USP24: variants seen among roughly 807,000 people sequenced by gnomAD.
USP24 encodes the protein ubiquitin carboxyl-terminal hydrolase 24.
Under a neutral mutation model 361.6 loss-of-function variants are expected in USP24, and 97 were observed. That is an observed-to-expected ratio of 0.27 (90% CI 0.23 to 0.32). The LOEUF (loss-of-function observed/expected upper bound fraction) is 0.32, where lower values mean the gene tolerates loss of function less well. USP24 is among the 10% of genes least tolerant of loss of function. USP24 has a pLI of 1.00. For missense variants in USP24, 2,353 were observed against 3,165.6 expected (o/e 0.74, Z 6.16); for synonymous variants, 1,098 against 1,124.6 (o/e 0.98, Z 0.47).
In USP24 at chr1:55,125,736, T is replaced by C; in HGVS notation, c.3658A>G (p.Arg1220Gly). Reference sequence around the variant, plus strand: ...TCTACTTCTGATGGGATGGAGTCTCTCTGCATGACATTTACAACCAAACTT... The same window carrying C: ...TCTACTTCTGATGGGATGGAGTCTCCCTGCATGACATTTACAACCAAACTT... ...GLSLVVNVMQRDSIPSEVDYE... is the reference protein window; with the variant it reads ...GLSLVVNVMQGDSIPSEVDYE... The change falls in exon 33 of 68, where the codon AGA (arginine) becomes GGA (glycine). Residue 1220 changes from arginine (R) to glycine (G), a missense_variant. Around this residue, in one of 8 missense-constraint regions of USP24, gnomAD observed 949 missense variants for 1,280.5 expected, o/e 0.74. Coordinates refer to ENST00000294383, the MANE Select transcript of USP24 (RefSeq NM_015306.3). The C allele has an allele frequency of 6.3e-7, 1 of 1,588,906 alleles. No homozygotes were observed.
intron 1 of USP24, among the ~76,000 whole-genome samples, chr1:55,190,752 T>C (rs1318310359): frequency 2.0e-5 from 3 of 152,028 alleles, no homozygotes; most frequent in Non-Finnish European, 4.4e-5. Context: ...AATGTGAAAG[T>C]AGAGAAAAGG....
chr1:55,141,715 AG>A lies in USP24; in HGVS notation c.2650del (p.Gly885ValfsTer5). On this transcript the variant is annotated frameshift_variant, in exon 24 of 68. Transcript: ENST00000294383. LOFTEE classifies it high-confidence loss of function. The part of the protein sequence containing the change: ...YTRLEAASSA[L>X]GGPTLTHAVT... Reference sequence around the variant, plus strand: ...AGCATGTGTTAGAGTGGGGCCACCAAGTGCTGAACTGGCTGCCTAAAAAATA... The same window carrying A: ...AGCATGTGTTAGAGTGGGGCCACCAATGCTGAACTGGCTGCCTAAAAAATA... 6.2e-7 allele frequency: 1 copy of A among 1,608,750 alleles called. No homozygotes were observed. Among genetic ancestry groups the A allele is most frequent in the Admixed American group, 1.7e-5 (1 of 59,288 alleles).
chr1:55,164,587 A>T (rs919950407), intron 7 of USP24, among the ~76,000 whole-genome samples: 3 of 152,060 alleles, frequency 2.0e-5, no homozygotes, highest in Non-Finnish European at 4.4e-5. Context: ...CCTGAGTGTT[A>T]CTATCCCCTC....
chr1:55,202,409 TC>T (rs1011865967), intron 1 of USP24, among the ~76,000 whole-genome samples: 8 of 151,508 alleles, frequency 5.3e-5, no homozygotes, highest in Non-Finnish European at 7.4e-5. Flanking sequence ...ACTTTTTCTT[TC>T]TTTTTTTTTT....
At chr1:55,121,220 G>A (rs1646271215) in intron 37 of USP24, among the ~76,000 whole-genome samples, 1 of 152,162 alleles carries the variant, frequency 6.6e-6, no homozygotes, top group South Asian at 2.1e-4. Context: ...ACTAACATTA[G>A]TCTCATAACT....
intron 1 of USP24, among the ~76,000 whole-genome samples, chr1:55,180,132 A>C (rs1643919934): frequency 6.6e-6 from 1 of 152,196 alleles, no homozygotes; most frequent in Admixed American, 6.5e-5. Context: ...AAAAGGCCAC[A>C]GCAGTATTTC....
chr1:55,100,866 C>T lies in USP24; in HGVS notation c.5244G>A (p.Gln1748=). Residue 1748 remains glutamine, a synonymous_variant, in exon 44 of 68, where the codon CAG becomes CAA. Transcript: ENST00000294383. ...TCCAAAAATTCTCAGGTACATAGTA[C>T]TGCAGCTTGCTTTCCATTAAATGTC... is the stretch of plus-strand genomic sequence containing the variant. ...LFGHLMESKL[Q]YYVPENFWKI... 2 of 1,613,348 alleles carry T rather than the reference C, an allele frequency of 1.2e-6. No individual in the cohort carries two copies. Among genetic ancestry groups the T allele is most frequent in the Non-Finnish European group, 1.7e-6 (2 of 1,179,640 alleles).
chr1:55,095,877 CTA>C, intron 50 of USP24, among the ~76,000 whole-genome samples: 2 of 152,310 alleles, frequency 1.3e-5, no homozygotes, highest in South Asian at 4.1e-4. Context: ...GTATCAAAAT[CTA>C]ATACAGTGAA....
rs758563900 is a variant in USP24 at position 55,086,007 on chromosome 1, C to T, written c.6700G>A (p.Val2234Ile). 6.2e-7 allele frequency: 1 copy of T among 1,613,862 alleles called. No homozygotes were observed. The highest frequency in any genetic ancestry group is 1.3e-5 in the African/African-American group (1 of 74,942). Residue 2234 changes from valine to isoleucine, a missense_variant, in exon 56 of 68, where the codon GTA (valine) becomes ATA (isoleucine). Val to Ile is a conservative substitution (Grantham distance 29, BLOSUM62 3). Coordinates refer to ENST00000294383, the MANE Select transcript of USP24 (RefSeq NM_015306.3). ...IFLLECNVRE[V>I]RVAVATILEK... is the part of the protein sequence containing the mutation. ...AGAATGGTGGCCACAGCAACTCGTACTTCTCTCACATTGCACTCCAGTAAG... is the reference window on the plus strand; with the variant it reads ...AGAATGGTGGCCACAGCAACTCGTATTTCTCTCACATTGCACTCCAGTAAG...
At chr1:55,134,573 T>G (rs1646681466) in intron 28 of USP24, among the ~76,000 whole-genome samples, 160 bp from the exon 29 acceptor site, 1 of 152,184 alleles carries the variant, frequency 6.6e-6, no homozygotes, top group Non-Finnish European at 1.5e-5. Context: ...GAACACCACA[T>G]GGTAACATAT....
intron 1 of USP24, among the ~76,000 whole-genome samples, chr1:55,192,357 C>T (rs997329202): frequency 6.6e-6 from 1 of 152,132 alleles, no homozygotes; most frequent in Non-Finnish European, 1.5e-5. Flanking sequence ...GAAAATTATT[C>T]AACTTAACGG....
At chr1:55,136,621 C>T (rs976024159) in intron 28 of USP24, among the ~76,000 whole-genome samples, 6 of 152,042 alleles carry the variant, frequency 3.9e-5, no homozygotes, top group Admixed American at 3.3e-4. Flanking sequence ...GCTGGATTGT[C>T]GATGGATTCT....
In USP24 at chr1:55,115,419, C is replaced by T. The variant is rs945961354; in HGVS notation, c.4509-5173G>A. ...GCTGAGGCAGGAGAATGGCATGAAC[C>T]TGGGAGGCGGAGCTTGCAGTGAGCC... On this transcript the variant is annotated intron_variant, in intron 38 of 67. Transcript: ENST00000294383. Among the ~76,000 whole-genome samples, 252 of 137,222 alleles carry T rather than the reference C, an allele frequency of 1.8e-3. 1 individual carries two copies. Among genetic ancestry groups the T allele is most frequent in the East Asian group, 6.0e-3 (25 of 4,170 alleles). 90.0% of individuals were successfully genotyped at this position (137,222 alleles called of 152,430 possible).
chr1:55,098,863 T>G (rs1645559198), intron 45 of USP24, among the ~76,000 whole-genome samples: 1 of 152,292 alleles, frequency 6.6e-6, no homozygotes, highest in Non-Finnish European at 1.5e-5. Flanking sequence ...TCAGCAATCT[T>G]TTCTTTTTTC....
intron 55 of USP24, among the ~76,000 whole-genome samples, chr1:55,087,889 G>A (rs1274361402): frequency 6.6e-6 from 1 of 152,190 alleles, no homozygotes. Flanking sequence ...TGTGAAGAGG[G>A]GAGGATGGTG....
In USP24 at chr1:55,215,172, G is replaced by GGCGGGCCGCGCGGCGCACCCT; in HGVS notation, c.-80_-60dup. ...CGGCGAAGCTACGGGTCCCGGGCCT[G>GGCGGGCCGCGCGGCGCACCCT]GCGGGCCGCGCGGCGCACCCTCCGC... is the stretch of plus-strand genomic sequence containing the variant. On this transcript the variant is annotated 5_prime_UTR_variant, in exon 1 of 68. Coordinates refer to ENST00000294383, the MANE Select transcript of USP24 (RefSeq NM_015306.3). 3.3e-6 allele frequency: 4 copies of GGCGGGCCGCGCGGCGCACCCT among 1,194,382 alleles called. No individual in the cohort carries two copies. Among genetic ancestry groups the GGCGGGCCGCGCGGCGCACCCT allele is most frequent in the Non-Finnish European group, 4.2e-6 (4 of 961,048 alleles). The allele number at this position is 1,194,382 out of a possible 1,614,324, so 74.0% of individuals were successfully genotyped here.
At chr1:55,100,662 C>A (rs114325173) in intron 44 of USP24, among the ~76,000 whole-genome samples, 177 bp downstream of exon 44, 1 of 152,122 alleles carries the variant, frequency 6.6e-6, no homozygotes, top group African/African-American at 2.4e-5. Flanking sequence ...CTATTCTCAA[C>A]ATTCTAATGA....
At chr1:55,127,956 GT>G (rs551653645) in intron 32 of USP24, among the ~76,000 whole-genome samples, 155 of 152,118 alleles carry the variant, frequency 1.0e-3, no homozygotes, top group Non-Finnish European at 1.3e-3. Context: ...TGTCCTCATG[GT>G]TTTACTCACA....
chr1:55,075,178 T>C (rs1419456401), intron 63 of USP24, among the ~76,000 whole-genome samples: 2 of 152,096 alleles, frequency 1.3e-5, no homozygotes, highest in Admixed American at 6.6e-5. Context: ...CGTTAGCTTG[T>C]TGAAAAAAAC....
Sources: gnomAD v4.1 joint callset for allele counts (sites outside exome capture counted in the v4.1 genomes callset) on GRCh38, gnomAD v4.1.1 for gene constraint, gnomAD v4.1.1 regional missense constraint, MANE v1.5 for transcripts, NCBI Gene and HGNC (gene_info 2026-07-23, HGNC 2026-07-21) for gene names.